Variants in WDR43 observed in about 807,000 individuals in gnomAD.
WDR43 encodes the protein WD repeat-containing protein 43.
A neutral mutation model predicts 91.4 loss-of-function variants in WDR43; 13 were observed. The observed-to-expected ratio is 0.14, with a 90% CI of 0.09 to 0.23. The LOEUF is 0.23. Ranked by LOEUF, WDR43 falls within the 10% of genes least tolerant of loss-of-function variation. The pLI is 1.00. For missense variants in WDR43, 780 were observed against 809.4 expected (o/e 0.96, Z 0.44); for synonymous variants, 331 against 287.9 (o/e 1.15, Z -1.51).
chr2:28,941,938 G>T (rs1488332564), intron 15 of WDR43, among the ~76,000 whole-genome samples: 2 of 152,162 alleles, frequency 1.3e-5, no homozygotes, highest in South Asian at 4.1e-4. Flanking sequence ...TCAGGATCTA[G>T]TCTTTAACTT....
At chr2:28,944,861 A>G (rs949053348) in intron 16 of WDR43, among the ~76,000 whole-genome samples, 1 of 152,260 alleles carries the variant, frequency 6.6e-6, no homozygotes, top group South Asian at 2.1e-4. Context: ...CTCTCCGGCC[A>G]GGCGGAGCCA....
chr2:28,930,377 C>G (rs753790948), intron 11 of WDR43, among the ~76,000 whole-genome samples: 8 of 152,184 alleles, frequency 5.3e-5, no homozygotes, highest in Admixed American at 3.9e-4. Flanking sequence ...ACTGCCTGAT[C>G]AGATTAAAGC....
chr2:28,904,788 TAAC>T (rs1180169547), intron 2 of WDR43, among the ~76,000 whole-genome samples: 2 of 152,270 alleles, frequency 1.3e-5, no homozygotes, highest in Non-Finnish European at 2.9e-5. Flanking sequence ...TTTGAAGTGG[TAAC>T]AATGTTATTT....
At position 28,906,589 on chromosome 2, in the gene WDR43, A is replaced by C; in HGVS notation, c.485+8A>C. 2 of 1,610,634 alleles carry C rather than the reference A, an allele frequency of 1.2e-6. No individual in the cohort carries two copies. The highest frequency in any genetic ancestry group is 1.7e-6 in the Non-Finnish European group (2 of 1,178,888). Reference sequence around the variant, plus strand: ...GACATGCAAAGTAAAGTGGTGAGTAACATTCATGGTATCAGGAAATGCAAT... The same window carrying C: ...GACATGCAAAGTAAAGTGGTGAGTACCATTCATGGTATCAGGAAATGCAAT... On this transcript the variant is annotated splice_region_variant and intron_variant, in intron 3 of 17. Coordinates refer to ENST00000407426, the MANE Select transcript of WDR43 (RefSeq NM_015131.3).
At chr2:28,920,692 T>C (rs1364024201) in intron 6 of WDR43, among the ~76,000 whole-genome samples, 2 of 152,032 alleles carry the variant, frequency 1.3e-5, no homozygotes, top group Non-Finnish European at 2.9e-5. Context: ...TTTGTTTTTG[T>C]TTTTGAGACA....
At chr2:28,912,488 G>A (rs1670820759) in intron 3 of WDR43, 102 bp from the exon 4 acceptor site, 1 of 1,420,090 alleles carries the variant, frequency 7.0e-7, no homozygotes, top group Non-Finnish European at 9.6e-7. Context: ...GACCTGAGGC[G>A]ATATTTTTAA....
At chr2:28,919,855 T>G (rs1326568771) in intron 6 of WDR43, among the ~76,000 whole-genome samples, 1 of 151,644 alleles carries the variant, frequency 6.6e-6, no homozygotes, top group Non-Finnish European at 1.5e-5. Context: ...TTTATTTTAT[T>G]TTTTTTGGAG....
intron 7 of WDR43, 49 bp from the exon 8 acceptor site, chr2:28,924,933 T>C: frequency 6.3e-7 from 1 of 1,579,266 alleles, no homozygotes; most frequent in Non-Finnish European, 8.6e-7. Context: ...AGAGTTAGTA[T>C]GAGACGTTTT....
At chr2:28,940,998 C>T (rs1029422329) in intron 14 of WDR43, among the ~76,000 whole-genome samples, 1 of 152,168 alleles carries the variant, frequency 6.6e-6, no homozygotes, top group South Asian at 2.1e-4. Context: ...CTTTGTTCTA[C>T]TGGTCTCTGG....
Position 28,914,059 on chromosome 2 carries a change from CT to C in WDR43, c.607-7del, listed in dbSNP as rs932217643. 4.3e-6 allele frequency: 7 copies of C among 1,610,644 alleles called. No individual in the cohort carries two copies. The Admixed American group carries it at 1.2e-4, about 27-fold the overall frequency. ...ATCTGCTCTCCTAACTGAGATTTAA[CT>C]TTCTCTAGCATTTCACAGGACATGC... is the stretch of plus-strand genomic sequence containing the variant. On this transcript the variant is annotated splice_polypyrimidine_tract_variant and intron_variant, in intron 4 of 17. Coordinates refer to ENST00000407426, the MANE Select transcript of WDR43 (RefSeq NM_015131.3).
intron 3 of WDR43, among the ~76,000 whole-genome samples, 188 bp from the exon 4 acceptor site, chr2:28,912,402 A>G (rs1005601296): frequency 6.6e-6 from 1 of 152,218 alleles, no homozygotes; most frequent in Admixed American, 6.5e-5. Context: ...GAATGCAATC[A>G]ATGAAGCTTT....
In WDR43 at chr2:28,942,392, G is replaced by C. The variant is rs769781026; in HGVS notation, c.1804+11G>C. 2 of 1,610,712 alleles carry C rather than the reference G, an allele frequency of 1.2e-6. No homozygotes were observed. The highest frequency in any genetic ancestry group is 1.7e-6 in the Non-Finnish European group (2 of 1,177,744). Reference sequence around the variant, plus strand: ...TGGTGTATGAAGAAGGTAAAGACTGGGGGAATGGGATGGAGTCTAGAATTA... The same window carrying C: ...TGGTGTATGAAGAAGGTAAAGACTGCGGGAATGGGATGGAGTCTAGAATTA... On this transcript the variant is annotated intron_variant, in intron 16 of 17. Coordinates refer to ENST00000407426, the MANE Select transcript of WDR43 (RefSeq NM_015131.3).
In WDR43 at chr2:28,899,991, AT is replaced by A. The variant is rs369802641; in HGVS notation, c.226-1994del. Among the ~76,000 whole-genome samples the A allele has an allele frequency of 4.8e-4, 73 of 152,300 alleles. 2 individuals are homozygous for A. The highest frequency in any genetic ancestry group is 1.7e-3 in the African/African-American group (70 of 41,540). ...AATACAGAGATTTGCAGATGCAGAA[AT>A]TAAGGCTTTGACTATGTTATGCTTG... On this transcript the variant is annotated intron_variant, in intron 1 of 17. Transcript: ENST00000407426.
chr2:28,910,694 T>TATATATATAA (rs1001847583), intron 3 of WDR43, among the ~76,000 whole-genome samples: 2 of 148,312 alleles, frequency 1.3e-5, no homozygotes, highest in African/African-American at 4.9e-5. Context: ...TATATATATA[T>TATATATATAA]AATTATTATT....
At chr2:28,930,025 A>G in intron 11 of WDR43, 1 of 501,862 alleles carries the variant, frequency 2.0e-6, no homozygotes, top group Non-Finnish European at 4.0e-6. Context: ...AATACTCAGC[A>G]TTCTAGATCA....
chr2:28,914,259 G>T, intron 5 of WDR43, 51 bp downstream of exon 5: 1 of 1,551,014 alleles, frequency 6.4e-7, no homozygotes, highest in Non-Finnish European at 8.7e-7. Flanking sequence ...ATCTGTCAGA[G>T]CTTATGTAGT....
chr2:28,919,266 T>C (rs1193863216), intron 6 of WDR43, among the ~76,000 whole-genome samples: 1 of 149,448 alleles, frequency 6.7e-6, no homozygotes, highest in Non-Finnish European at 1.5e-5. Context: ...AGTAAATAAG[T>C]AAATAAATAC....
chr2:28,900,114 C>T (rs1670551641), intron 1 of WDR43, among the ~76,000 whole-genome samples: 2 of 152,258 alleles, frequency 1.3e-5, no homozygotes, highest in East Asian at 1.9e-4. Flanking sequence ...GTCTTTGTTT[C>T]ACACATCGAG....
chr2:28,914,336 T>TA, intron 5 of WDR43, 128 bp downstream of exon 5: 1 of 1,213,398 alleles, frequency 8.2e-7, no homozygotes, highest in Non-Finnish European at 1.1e-6. Flanking sequence ...TGAGTCATAA[T>TA]AAAAAATTGA....
Sources: gnomAD v4.1 joint callset for allele counts (sites outside exome capture counted in the v4.1 genomes callset) on GRCh38, gnomAD v4.1.1 for gene constraint, MANE v1.5 for transcripts, NCBI Gene and HGNC (gene_info 2026-07-23, HGNC 2026-07-21) for gene names.